The following GABRB2 variants were observed in gnomAD, a reference collection of about 807,000 sequenced individuals.
The protein encoded by GABRB2 is gamma-aminobutyric acid type A receptor subunit beta2, also known as gamma-aminobutyric acid receptor subunit beta-2.
In GABRB2, 16 loss-of-function variants were observed where a neutral mutation model predicts 54.7. The ratio of observed to expected loss-of-function variants is 0.29; its 90% CI spans 0.20 to 0.44. The LOEUF (loss-of-function observed/expected upper bound fraction) is 0.44, where lower values mean the gene tolerates loss of function less well. Among genes scored for constraint, GABRB2 ranks in the 20% least tolerant of loss-of-function variants. GABRB2 has a pLI of 1.00. For missense variants in GABRB2, 355 were observed against 644.0 expected, an observed-to-expected ratio of 0.55 and a Z score of 4.86; for synonymous variants, 244 against 233.8, an observed-to-expected ratio of 1.04 and a Z score of -0.40.
chr5:161,395,555 A>G (rs187812325), intron 5 of GABRB2, among the ~76,000 whole-genome samples: 89 of 152,292 alleles, frequency 5.8e-4, no homozygotes, highest in African/African-American at 1.3e-3. Flanking sequence ...AATAACACAT[A>G]TAAGTATCGC....
chr5:161,469,316 ATAAATGAGAAGTCTCTACCTT>A lies in GABRB2; in HGVS notation c.238-9493_238-9473del, dbSNP rs1758368426. ...AAAGAAAATTTACTCATAGTCACAA[ATAAATGAGAAGTCTCTACCTT>A]TAGGCTTGTTATTAACAAAGCATAA... On this transcript the variant is annotated intron_variant, in intron 3 of 9. Transcript: ENST00000393959. Among the ~76,000 whole-genome samples, 3 of 152,078 alleles carry A rather than the reference ATAAATGAGAAGTCTCTACCTT, an allele frequency of 2.0e-5. No homozygotes were observed. In the South Asian group the frequency reaches 6.2e-4, roughly 32 times the overall value.
At chr5:161,334,716 G>C in intron 7 of GABRB2, 36 bp downstream of exon 7, 3 of 1,608,438 alleles carry the variant, frequency 1.9e-6, no homozygotes, top group Non-Finnish European at 2.5e-6. Flanking sequence ...TGTACACACA[G>C]AGTCAAAATC....
In GABRB2 at chr5:161,530,247, A is replaced by C. The variant is rs138297231; in HGVS notation, c.237+14980T>G. Among the ~76,000 whole-genome samples, 392 of 152,246 alleles carry C rather than the reference A, an allele frequency of 2.6e-3. 1 individual carries two copies. The highest frequency in any genetic ancestry group is 4.6e-3 in the South Asian group (22 of 4,830). On this transcript the variant is annotated intron_variant, in intron 3 of 9. Coordinates refer to ENST00000393959, the MANE Select transcript of GABRB2 (RefSeq NM_001371727.1). ...TTTGTCCAAATCTGGGAATTTTAAC[A>C]CCTGGACATATTTCTAACATTTTCC...
chr5:161,488,490 T>A (rs1277853448), intron 3 of GABRB2, among the ~76,000 whole-genome samples: 1 of 151,752 alleles, frequency 6.6e-6, no homozygotes, highest in African/African-American at 2.4e-5. Flanking sequence ...AATATGTTTT[T>A]ACAGCTAGAA....
chr5:161,485,053 A>G (rs1305002706), intron 3 of GABRB2, among the ~76,000 whole-genome samples: 1 of 151,850 alleles, frequency 6.6e-6, no homozygotes, highest in Non-Finnish European at 1.5e-5. Flanking sequence ...TTCTGTCTGT[A>G]TGACCGTTCC....
intron 9 of GABRB2, among the ~76,000 whole-genome samples, chr5:161,321,302 C>T (rs749978252): frequency 2.6e-5 from 4 of 151,944 alleles, no homozygotes; most frequent in Non-Finnish European, 4.4e-5. Context: ...TCAAAAATAC[C>T]ACTGCATAAT....
intron 5 of GABRB2, among the ~76,000 whole-genome samples, chr5:161,395,667 G>A (rs1755974201): frequency 6.6e-6 from 1 of 152,140 alleles, no homozygotes; most frequent in Admixed American, 6.6e-5. Flanking sequence ...ATTTGAAGGT[G>A]TGTAGGAGTT....
At chr5:161,391,576 C>T (rs557399728) in intron 5 of GABRB2, among the ~76,000 whole-genome samples, 1 of 152,168 alleles carries the variant, frequency 6.6e-6, no homozygotes, top group South Asian at 2.1e-4. Flanking sequence ...GATTAGAAAA[C>T]ATAACATCAT....
intron 4 of GABRB2, among the ~76,000 whole-genome samples, chr5:161,439,311 T>C (rs1757394527): frequency 6.6e-6 from 1 of 152,118 alleles, no homozygotes; most frequent in African/African-American, 2.4e-5. Flanking sequence ...CAATATCTCT[T>C]AAACATGAAG....
At chr5:161,509,788 T>A (rs757429408) in intron 3 of GABRB2, among the ~76,000 whole-genome samples, 1 of 151,908 alleles carries the variant, frequency 6.6e-6, no homozygotes, top group Non-Finnish European at 1.5e-5. Context: ...TTCCACACTC[T>A]ATTGCTACTA....
At chr5:161,541,701 T>C (rs1343785059) in intron 3 of GABRB2, among the ~76,000 whole-genome samples, 1 of 152,254 alleles carries the variant, frequency 6.6e-6, no homozygotes. Context: ...AGGGTCTTGT[T>C]CTGGTAATCT....
chr5:161,537,261 T>G (rs1396775501), intron 3 of GABRB2, among the ~76,000 whole-genome samples: 1 of 152,198 alleles, frequency 6.6e-6, no homozygotes, highest in Non-Finnish European at 1.5e-5. Context: ...CCTTTTAAAT[T>G]TTATGTATTC....
intron 5 of GABRB2, among the ~76,000 whole-genome samples, chr5:161,358,048 C>T (rs1754692267): frequency 6.6e-6 from 1 of 152,048 alleles, no homozygotes; most frequent in South Asian, 2.1e-4. Flanking sequence ...GAAGTGAATG[C>T]AGATTAAGAA....
Position 161,294,201 on chromosome 5 carries a change from T to C in GABRB2, c.1419A>G (p.Gln473=), listed in dbSNP as rs749301985. 4.3e-6 allele frequency: 7 copies of C among 1,614,152 alleles called. No individual in the cohort carries two copies. Among genetic ancestry groups the C allele is most frequent in the Middle Eastern group, 1.6e-4 (1 of 6,062 alleles). The part of the protein sequence containing the change: ...KKSRLRRRAS[Q]LKITIPDLTD... ...TCAAGTCAGGGATGGTGATTTTCAGTTGGGAGGCGCGTCTCCTCAGGCGAC... is the reference window on the plus strand; with the variant it reads ...TCAAGTCAGGGATGGTGATTTTCAGCTGGGAGGCGCGTCTCCTCAGGCGAC... The change falls in exon 10 of 10, where the codon CAA becomes CAG. Residue 473 remains glutamine (Q), a synonymous_variant. Coordinates refer to ENST00000393959, the MANE Select transcript of GABRB2 (RefSeq NM_001371727.1).
intron 3 of GABRB2, among the ~76,000 whole-genome samples, chr5:161,517,923 A>G (rs1287237676): frequency 2.6e-5 from 4 of 151,914 alleles, no homozygotes; most frequent in Non-Finnish European, 4.4e-5. Flanking sequence ...CAGCCTCCCA[A>G]GTAACTGGGA....
intron 5 of GABRB2, among the ~76,000 whole-genome samples, chr5:161,376,170 C>A (rs535257768): frequency 3.3e-5 from 5 of 152,204 alleles, no homozygotes; most frequent in African/African-American, 1.2e-4. Context: ...TTGGGGATCA[C>A]AAAGGCACAG....
chr5:161,453,517 G>A (rs113664035), intron 4 of GABRB2, among the ~76,000 whole-genome samples: 2,886 of 152,222 alleles, frequency 0.019, 39 homozygotes, highest in Middle Eastern at 0.078. Flanking sequence ...TATCATCCAT[G>A]AATCAGGAAA....
chr5:161,345,478 T>G (rs1361491064), intron 5 of GABRB2, among the ~76,000 whole-genome samples: 1 of 152,096 alleles, frequency 6.6e-6, no homozygotes, highest in African/African-American at 2.4e-5. Context: ...TTATTCTTAT[T>G]CTTTTTTCAA....
At chr5:161,398,488 T>C (rs1156451921) in intron 5 of GABRB2, among the ~76,000 whole-genome samples, 1 of 152,138 alleles carries the variant, frequency 6.6e-6, no homozygotes, top group Non-Finnish European at 1.5e-5. Context: ...AATGCCCAAA[T>C]GTACAGGGCA....
Sources: allele counts gnomAD v4.1 joint callset (sites outside exome capture counted in the v4.1 genomes callset), GRCh38; gene constraint gnomAD v4.1.1; transcripts MANE v1.5; gene names NCBI Gene and HGNC (gene_info 2026-07-23, HGNC 2026-07-21).